Variants in KCNK2 observed in about 807,000 individuals in gnomAD.
KCNK2 encodes the protein potassium channel subfamily K member 2.
Under a neutral mutation model 40.5 loss-of-function variants are expected in KCNK2, and 21 were observed. The ratio of observed to expected loss-of-function variants is 0.52; its 90% CI spans 0.37 to 0.75. KCNK2 has a LOEUF of 0.75. KCNK2 is among the 30% of genes least tolerant of loss of function. The probability of loss-of-function intolerance (pLI) is 0.00; values close to 1 mark genes in which losing one functional copy is unlikely to be tolerated. For synonymous variants in KCNK2, 191 were observed against 202.2 expected, an observed-to-expected ratio of 0.94 and a Z score of 0.47; for missense variants, 399 against 531.6, an observed-to-expected ratio of 0.75 and a Z score of 2.45.
intron 5 of KCNK2, among the ~76,000 whole-genome samples, chr1:215,190,962 A>G (rs1664639052): frequency 6.6e-6 from 1 of 151,410 alleles, no homozygotes; most frequent in African/African-American, 2.4e-5. Context: ...TTACAGAGCC[A>G]ATTTTTCTTT....
chr1:215,169,242 C>A lies in KCNK2; in HGVS notation c.519C>A (p.Phe173Leu). 1 of 1,612,684 alleles carries A rather than the reference C, an allele frequency of 6.2e-7. No individual in the cohort carries two copies. Among genetic ancestry groups the A allele is most frequent in the Non-Finnish European group, 8.5e-7 (1 of 1,179,258 alleles). ...CACGCACAGAAGGCGGCAAAATATT[C>A]TGTATCATCTATGCCTTACTGGGAA... The part of the protein sequence containing the change: ...ISPRTEGGKI[F>L]CIIYALLGIP... The change falls in exon 4 of 7, where the codon TTC becomes TTA. Residue 173 changes from phenylalanine to leucine, a missense_variant. Coordinates refer to ENST00000444842, the MANE Select transcript of KCNK2 (RefSeq NM_001017425.3).
At chr1:215,178,284 T>C (rs1276696733) in intron 5 of KCNK2, among the ~76,000 whole-genome samples, 1 of 152,186 alleles carries the variant, frequency 6.6e-6, no homozygotes, top group East Asian at 1.9e-4. Flanking sequence ...TTTCTAAGTA[T>C]AGAGTCATAT....
chr1:215,207,761 T>C (rs1665379144), intron 6 of KCNK2, among the ~76,000 whole-genome samples: 1 of 152,068 alleles, frequency 6.6e-6, no homozygotes, highest in Non-Finnish European at 1.5e-5. Context: ...AACACAAGCA[T>C]ATGGAAAAAA....
At chr1:215,068,259 A>T (rs1321479882) in intron 1 of KCNK2, among the ~76,000 whole-genome samples, 2 of 152,072 alleles carry the variant, frequency 1.3e-5, no homozygotes, top group Non-Finnish European at 2.9e-5. Flanking sequence ...CCCAAACTGA[A>T]TTTTTGGGGC....
chr1:215,052,974 A>G (rs993913843), intron 1 of KCNK2, among the ~76,000 whole-genome samples: 7 of 152,166 alleles, frequency 4.6e-5, no homozygotes, highest in African/African-American at 2.4e-5. Context: ...GGATGGTTGG[A>G]TGCAGGAGAT....
rs1233626636 is a variant in KCNK2 at position 215,082,942 on chromosome 1, C to T, written c.-444C>T. On this transcript the variant is annotated 5_prime_UTR_variant, in exon 1 of 7. Coordinates refer to ENST00000444842, the MANE Select transcript of KCNK2 (RefSeq NM_001017425.3). ...GGCGCACGGCAGCTGGGGCTGCACC[C>T]ACCGCCCCCGCGCCGCGCCGTGCCG... Among the ~76,000 whole-genome samples the T allele has an allele frequency of 6.7e-6, 1 of 149,652 alleles. No individual in the cohort carries two copies. The highest frequency in any genetic ancestry group is 2.4e-5 in the African/African-American group (1 of 41,146).
chr1:215,053,487 A>G (rs1310200418), intron 1 of KCNK2, among the ~76,000 whole-genome samples: 1 of 152,236 alleles, frequency 6.6e-6, no homozygotes, highest in African/African-American at 2.4e-5. Context: ...GACAAGGCAA[A>G]TTAAAACAAA....
intron 1 of KCNK2, among the ~76,000 whole-genome samples, chr1:215,051,350 G>A (rs894115088): frequency 3.3e-5 from 5 of 152,206 alleles, no homozygotes; most frequent in Non-Finnish European, 1.5e-5. Context: ...GAAAATATTT[G>A]AGGGTTTCAT....
At chr1:215,053,068 C>T (rs1558070466) in intron 1 of KCNK2, among the ~76,000 whole-genome samples, 1 of 151,940 alleles carries the variant, frequency 6.6e-6, no homozygotes, top group Admixed American at 6.6e-5. Flanking sequence ...GGTTTCTTTT[C>T]TTTTCTTTTT....
intron 1 of KCNK2, among the ~76,000 whole-genome samples, chr1:215,060,740 G>A (rs2102507368): frequency 6.6e-6 from 1 of 152,206 alleles, no homozygotes; most frequent in Non-Finnish European, 1.5e-5. Context: ...GGTGTTCATT[G>A]AATATAAATT....
At chr1:215,093,606 TATATATA>T (rs1461898656) in intron 2 of KCNK2, among the ~76,000 whole-genome samples, 2 of 103,172 alleles carry the variant, frequency 1.9e-5, no homozygotes, top group African/African-American at 8.2e-5. Flanking sequence ...TAATATATAG[TATATATA>T]ATATATAATA....
At position 215,063,475 on chromosome 1, in the gene KCNK2, G is replaced by A. The variant is rs1037978654; in HGVS notation, c.35-22893G>A. On this transcript the variant is annotated intron_variant, in intron 1 of 6. Coordinates refer to the KCNK2 transcript ENST00000391895. ...TGTCCCCATCCTCATCTCCATGAAT[G>A]CTTGCATTTTGGACTTTCTACTCAA... Among the ~76,000 whole-genome samples, 6 of 152,178 alleles carry A rather than the reference G, an allele frequency of 3.9e-5. No individual in the cohort carries two copies. In the South Asian group the frequency reaches 6.2e-4, roughly 16 times the overall value.
chr1:215,209,245 TAC>T (rs1665457300), intron 6 of KCNK2, among the ~76,000 whole-genome samples: 2 of 125,384 alleles, frequency 1.6e-5, no homozygotes, highest in African/African-American at 3.2e-5. Context: ...TATATAAATA[TAC>T]ACATATCTTA....
chr1:215,078,020 G>C (rs1034911513), upstream of KCNK2, among the ~76,000 whole-genome samples: 2 of 152,106 alleles, frequency 1.3e-5, no homozygotes, highest in Non-Finnish European at 2.9e-5. Flanking sequence ...TCATTGCAAG[G>C]GTGTCCAGCC....
At chr1:215,194,293 AT>A (rs994476395) in intron 5 of KCNK2, among the ~76,000 whole-genome samples, 3 of 151,854 alleles carry the variant, frequency 2.0e-5, no homozygotes, top group Non-Finnish European at 2.9e-5. Flanking sequence ...CCTTGCCAAT[AT>A]TTTTTTTCTT....
upstream of KCNK2, chr1:215,081,901 T>A (rs970778974): frequency 1.3e-5 from 2 of 152,330 alleles, no homozygotes; most frequent in African/African-American, 4.8e-5. Context: ...CGAGTTTGGC[T>A]GTCCCTACGC....
chr1:215,148,626 A>G (rs1490609015), intron 3 of KCNK2, among the ~76,000 whole-genome samples: 2 of 152,198 alleles, frequency 1.3e-5, no homozygotes, highest in Non-Finnish European at 2.9e-5. Flanking sequence ...AGGAAAGAAA[A>G]ATAATTCCCA....
intron 3 of KCNK2, among the ~76,000 whole-genome samples, chr1:215,131,314 A>C (rs909042002): frequency 6.8e-6 from 1 of 147,804 alleles, no homozygotes; most frequent in African/African-American, 2.5e-5. Flanking sequence ...TGGAAGCATT[A>C]AAATTATAAT....
chr1:215,017,126 T>C (rs1656620879), intron 1 of KCNK2, among the ~76,000 whole-genome samples: 2 of 152,160 alleles, frequency 1.3e-5, no homozygotes, highest in South Asian at 4.1e-4. Context: ...AAGGGAACTC[T>C]TACACACTGT....
Sources: allele counts gnomAD v4.1 joint callset (sites outside exome capture counted in the v4.1 genomes callset), GRCh38; gene constraint gnomAD v4.1.1; transcripts MANE v1.5; gene names NCBI Gene and HGNC (gene_info 2026-07-23, HGNC 2026-07-21).